The following PRKCA variants were observed in gnomAD, a reference collection of about 807,000 sequenced individuals.
PRKCA encodes protein kinase C alpha type.
Under a neutral mutation model 87.0 loss-of-function variants are expected in PRKCA, and 27 were observed. The observed-to-expected ratio is 0.31, with a 90% CI of 0.23 to 0.43. The LOEUF is 0.43. Among genes scored for constraint, PRKCA ranks in the 20% least tolerant of loss-of-function variants. The pLI, the probability that PRKCA is intolerant of heterozygous loss-of-function variation, is 1.00. For missense variants in PRKCA, 518 were observed against 852.3 expected (o/e 0.61, Z 4.88); for synonymous variants, 329 against 311.1 (o/e 1.06, Z -0.61).
At chr17:66,319,940 C>T (rs544690117) in intron 2 of PRKCA, among the ~76,000 whole-genome samples, 4 of 152,196 alleles carry the variant, frequency 2.6e-5, no homozygotes, top group Admixed American at 6.5e-5. Flanking sequence ...GACAGGGTTT[C>T]GCCATGTTGG....
At chr17:66,474,639 G>A (rs1018315098) in intron 2 of PRKCA, among the ~76,000 whole-genome samples, 2 of 152,122 alleles carry the variant, frequency 1.3e-5, no homozygotes, top group East Asian at 1.9e-4. Context: ...GAAATAAAGC[G>A]CTCTCTGTCT....
In PRKCA at chr17:66,509,386, AAGGC is replaced by A. The variant is rs1917125846; in HGVS notation, c.288+13109_288+13112del. On this transcript the variant is annotated intron_variant, in intron 3 of 16. Coordinates refer to ENST00000413366, the MANE Select transcript of PRKCA (RefSeq NM_002737.3). ...TGATGTAAGTTCCAGTCCAAGCTCA[AAGGC>A]AGGCAAGCTTAAGACATCAGCTCTG... Among the ~76,000 whole-genome samples, 3 of 152,114 alleles carry A rather than the reference AAGGC, an allele frequency of 2.0e-5. No individual in the cohort carries two copies. In the South Asian group the frequency reaches 6.2e-4, roughly 31 times the overall value.
intron 3 of PRKCA, among the ~76,000 whole-genome samples, chr17:66,602,267 C>T (rs1377286311): frequency 9.9e-6 from 1 of 101,434 alleles, no homozygotes; most frequent in East Asian, 2.6e-4. Flanking sequence ...GATATAGTCT[C>T]GTGGTGCGCC....
At chr17:66,420,890 G>T (rs1912452340) in intron 2 of PRKCA, among the ~76,000 whole-genome samples, 1 of 152,132 alleles carries the variant, frequency 6.6e-6, no homozygotes, top group African/African-American at 2.4e-5. Context: ...CCCCTCCTTT[G>T]TGGAATTTCA....
In PRKCA at chr17:66,808,283, C is replaced by G. The variant is rs1976078968; in HGVS notation, c.*4246C>G. The G allele has an allele frequency of 6.6e-6, 1 of 150,662 alleles. No homozygotes were observed. Among genetic ancestry groups the G allele is most frequent in the East Asian group, 2.0e-4 (1 of 5,124 alleles). 9.3% of individuals were successfully genotyped at this position (150,662 alleles called of 1,614,324 possible). Reference sequence around the variant, plus strand: ...CAGTTCCCACCTGGGTTCCACTTAGCAGGAGACATTTCGGAGGGTTTTTTT... The same window carrying G: ...CAGTTCCCACCTGGGTTCCACTTAGGAGGAGACATTTCGGAGGGTTTTTTT... On this transcript the variant is annotated 3_prime_UTR_variant, in exon 17 of 17. Coordinates refer to ENST00000413366, the MANE Select transcript of PRKCA (RefSeq NM_002737.3).
intron 3 of PRKCA, among the ~76,000 whole-genome samples, chr17:66,548,695 C>T (rs907796677): frequency 2.0e-5 from 3 of 152,134 alleles, no homozygotes; most frequent in Admixed American, 6.5e-5. Flanking sequence ...AATGCCATCT[C>T]ATGGACTTTC....
chr17:66,387,305 A>G (rs1033365621), intron 2 of PRKCA, among the ~76,000 whole-genome samples: 12 of 152,242 alleles, frequency 7.9e-5, no homozygotes, highest in East Asian at 3.8e-4. Flanking sequence ...AGATTTCTGG[A>G]TACAGGACCT....
chr17:66,758,491 T>G (rs987578741), intron 13 of PRKCA, among the ~76,000 whole-genome samples: 4 of 152,238 alleles, frequency 2.6e-5, no homozygotes, highest in African/African-American at 9.6e-5. Context: ...TCATCTGCAC[T>G]GCCAAGGCTG....
At chr17:66,397,242 G>A (rs1297226828) in intron 2 of PRKCA, among the ~76,000 whole-genome samples, 2 of 147,618 alleles carry the variant, frequency 1.4e-5, no homozygotes, top group Non-Finnish European at 3.0e-5. Context: ...TGGGATTACA[G>A]GCATGAGCCA....
intron 8 of PRKCA, among the ~76,000 whole-genome samples, chr17:66,700,825 G>C (rs1349966367): frequency 1.3e-5 from 2 of 152,152 alleles, no homozygotes; most frequent in Non-Finnish European, 2.9e-5. Context: ...GATATCGCCT[G>C]TTCCTGGATT....
At chr17:66,617,165 G>A (rs1970540534) in intron 3 of PRKCA, among the ~76,000 whole-genome samples, 1 of 152,192 alleles carries the variant, frequency 6.6e-6, no homozygotes, top group African/African-American at 2.4e-5. Flanking sequence ...TCAGGGAACT[G>A]TTTCATCTCA....
chr17:66,787,053 G>C lies in PRKCA; in HGVS notation c.1713+79G>C, dbSNP rs777737000. 4.5e-6 allele frequency: 5 copies of C among 1,107,984 alleles called. No individual in the cohort carries two copies. The African/African-American group carries it at 6.2e-5, about 14-fold the overall frequency. The allele number at this position is 1,107,984 out of a possible 1,614,324, so 68.6% of individuals were successfully genotyped here. ...AAATACTTTCCCCACACTTCTAAGA[G>C]AGATGGCAGAAACACCACAAACCCA... On this transcript the variant is annotated intron_variant, in intron 15 of 16. Transcript: ENST00000413366.
At chr17:66,602,719 G>C (rs144700650) in intron 3 of PRKCA, among the ~76,000 whole-genome samples, 1 of 152,132 alleles carries the variant, frequency 6.6e-6, no homozygotes, top group Non-Finnish European at 1.5e-5. Flanking sequence ...GGCGTGGAGC[G>C]CTCAGGTTTC....
intron 8 of PRKCA, among the ~76,000 whole-genome samples, chr17:66,722,337 C>G (rs1973635420): frequency 6.6e-6 from 1 of 152,084 alleles, no homozygotes; most frequent in Admixed American, 6.6e-5. Context: ...GCCATCCAGC[C>G]CCTCATAGAT....
At chr17:66,355,498 G>A (rs1907995838) in intron 2 of PRKCA, among the ~76,000 whole-genome samples, 2 of 152,036 alleles carry the variant, frequency 1.3e-5, no homozygotes, top group South Asian at 4.1e-4. Context: ...GCATGGGTGT[G>A]TGTTACATCA....
intron 3 of PRKCA, among the ~76,000 whole-genome samples, chr17:66,632,041 A>G (rs1167891361): frequency 6.6e-6 from 1 of 152,104 alleles, no homozygotes; most frequent in South Asian, 2.1e-4. Context: ...TCTTCTGCAG[A>G]TTGGTAGAGA....
At chr17:66,436,326 C>G (rs1311863417) in intron 2 of PRKCA, among the ~76,000 whole-genome samples, 1 of 152,162 alleles carries the variant, frequency 6.6e-6, no homozygotes, top group East Asian at 1.9e-4. Flanking sequence ...TCATCTGGGT[C>G]AAACCCCGGT....
At chr17:66,604,069 C>T (rs1005076786) in intron 3 of PRKCA, among the ~76,000 whole-genome samples, 6 of 152,216 alleles carry the variant, frequency 3.9e-5, no homozygotes, top group African/African-American at 1.2e-4. Flanking sequence ...GCCTTCCTCT[C>T]CATCAGTTCC....
intron 3 of PRKCA, among the ~76,000 whole-genome samples, chr17:66,548,002 A>G (rs552274249): frequency 6.6e-6 from 1 of 152,304 alleles, no homozygotes; most frequent in South Asian, 2.1e-4. Flanking sequence ...TTAGGCCTGT[A>G]CACAGATCCC....
Sources: allele counts gnomAD v4.1 joint callset (sites outside exome capture counted in the v4.1 genomes callset), GRCh38; gene constraint gnomAD v4.1.1; transcripts MANE v1.5; gene names NCBI Gene and HGNC (gene_info 2026-07-23, HGNC 2026-07-21).